The following EDIL3 variants were observed in gnomAD, a reference collection of about 807,000 sequenced individuals.
EDIL3 encodes EGF-like repeat and discoidin I-like domain-containing protein 3.
EDIL3 carries 37 observed loss-of-function variants against 67.4 expected under a neutral mutation model. The ratio of observed to expected loss-of-function variants is 0.55; its 90% confidence interval spans 0.42 to 0.72. The LOEUF is 0.72. Ranked by LOEUF, EDIL3 falls within the 30% of genes least tolerant of loss-of-function variation. EDIL3 has a pLI of 0.00. For missense variants in EDIL3, 527 were observed against 586.3 expected (o/e 0.90, Z 1.04); for synonymous variants, 195 against 196.3 (o/e 0.99, Z 0.05).
At chr5:83,986,972 T>C (rs1453558589) in intron 9 of EDIL3, among the ~76,000 whole-genome samples, 1 of 152,098 alleles carries the variant, frequency 6.6e-6, no homozygotes, top group Non-Finnish European at 1.5e-5. Context: ...TAACGAGCCA[T>C]GATCAGGAAG....
chr5:84,217,721 AACAC>A (rs61264723), intron 3 of EDIL3, among the ~76,000 whole-genome samples: 5,755 of 134,970 alleles, frequency 0.043, 183 homozygotes, highest in African/African-American at 0.094. Context: ...TATACACACA[AACAC>A]ACACACACAC....
chr5:83,975,512 T>C (rs545236838), intron 9 of EDIL3, among the ~76,000 whole-genome samples: 8 of 152,082 alleles, frequency 5.3e-5, no homozygotes, highest in African/African-American at 1.9e-4. Flanking sequence ...CATTTGTAGA[T>C]TTAAATAAAG....
At chr5:84,164,840 T>C (rs1748676684) in intron 4 of EDIL3, among the ~76,000 whole-genome samples, 1 of 152,024 alleles carries the variant, frequency 6.6e-6, no homozygotes, top group Admixed American at 6.6e-5. Flanking sequence ...AAGAAGTAAG[T>C]GTCTTACAAG....
chr5:84,381,736 T>C (rs1205190165), intron 1 of EDIL3, among the ~76,000 whole-genome samples: 1 of 152,236 alleles, frequency 6.6e-6, no homozygotes, highest in African/African-American at 2.4e-5. Flanking sequence ...AGATGTCACG[T>C]GCTTGCTGCA....
intron 1 of EDIL3, among the ~76,000 whole-genome samples, chr5:84,320,172 A>G (rs946321728): frequency 6.6e-6 from 1 of 151,480 alleles, no homozygotes; most frequent in Non-Finnish European, 1.5e-5. Context: ...AATACTGCAC[A>G]CCCCTCCCCC....
chr5:84,280,915 A>T (rs1301347750), intron 1 of EDIL3, among the ~76,000 whole-genome samples: 1 of 136,648 alleles, frequency 7.3e-6, no homozygotes, highest in African/African-American at 2.8e-5. Flanking sequence ...CACCCCCTGC[A>T]CTCCAGCCTG....
chr5:84,145,015 C>G (rs547566493), intron 4 of EDIL3, among the ~76,000 whole-genome samples: 1 of 152,064 alleles, frequency 6.6e-6, no homozygotes, highest in Non-Finnish European at 1.5e-5. Flanking sequence ...CTGAGAAGCA[C>G]TTTCCATGAA....
intron 4 of EDIL3, among the ~76,000 whole-genome samples, chr5:84,166,573 A>G (rs1474591952): frequency 6.6e-6 from 1 of 152,202 alleles, no homozygotes; most frequent in Non-Finnish European, 1.5e-5. Context: ...AAACAAATCA[A>G]GTCCTTGCTC....
intron 6 of EDIL3, among the ~76,000 whole-genome samples, chr5:84,080,677 T>A (rs1234090735): frequency 6.6e-6 from 1 of 152,212 alleles, no homozygotes; most frequent in African/African-American, 2.4e-5. Flanking sequence ...CAAAAAGGCA[T>A]AGTACTAAAG....
At chr5:83,961,632 T>C (rs1449773643) in intron 10 of EDIL3, among the ~76,000 whole-genome samples, 3 of 151,214 alleles carry the variant, frequency 2.0e-5, no homozygotes, top group Non-Finnish European at 3.0e-5. Flanking sequence ...TACTCATCTG[T>C]CTTAAAATTA....
At chr5:84,115,312 G>C (rs1184147345) in intron 5 of EDIL3, among the ~76,000 whole-genome samples, 1 of 152,048 alleles carries the variant, frequency 6.6e-6, no homozygotes, top group East Asian at 1.9e-4. Flanking sequence ...ATGTGGCTAT[G>C]TTTTCTTCAC....
At chr5:84,138,029 T>C (rs934178917) in intron 4 of EDIL3, among the ~76,000 whole-genome samples, 12 of 152,320 alleles carry the variant, frequency 7.9e-5, no homozygotes, top group Admixed American at 6.5e-4. Context: ...TATACTACTT[T>C]CCTTGCTAAT....
At chr5:84,049,283 G>A (rs998120340) in intron 9 of EDIL3, among the ~76,000 whole-genome samples, 13 of 146,760 alleles carry the variant, frequency 8.9e-5, no homozygotes, top group Middle Eastern at 3.3e-3. Flanking sequence ...CCATTTTGGA[G>A]GAATATATAT....
intron 1 of EDIL3, among the ~76,000 whole-genome samples, chr5:84,288,697 A>G (rs1561246421): frequency 6.6e-6 from 1 of 152,162 alleles, no homozygotes; most frequent in African/African-American, 2.4e-5. Context: ...CTAAGAAATT[A>G]TCTTCTCAGA....
chr5:84,011,567 T>C (rs1257005959), intron 9 of EDIL3, among the ~76,000 whole-genome samples: 1 of 152,154 alleles, frequency 6.6e-6, no homozygotes, highest in Non-Finnish European at 1.5e-5. Flanking sequence ...TCTTCCTTGC[T>C]CAAAGTCTCA....
intron 1 of EDIL3, among the ~76,000 whole-genome samples, chr5:84,281,103 C>A (rs1272952186): frequency 6.6e-6 from 1 of 152,052 alleles, no homozygotes; most frequent in Non-Finnish European, 1.5e-5. Flanking sequence ...TTATCAACTA[C>A]AAGTATTCCA....
At chr5:84,109,326 T>G (rs1231473360) in intron 5 of EDIL3, among the ~76,000 whole-genome samples, 7 of 151,800 alleles carry the variant, frequency 4.6e-5, no homozygotes, top group African/African-American at 7.2e-5. Context: ...ACCAACATGG[T>G]GAAACCCTGT....
At chr5:84,074,849 G>A (rs1034371952) in intron 6 of EDIL3, among the ~76,000 whole-genome samples, 2 of 152,132 alleles carry the variant, frequency 1.3e-5, no homozygotes, top group African/African-American at 4.8e-5. Flanking sequence ...CCATTACTGG[G>A]TATATGCCCA....
intron 9 of EDIL3, among the ~76,000 whole-genome samples, chr5:83,998,558 G>T (rs1431673063): frequency 1.3e-5 from 2 of 152,128 alleles, no homozygotes; most frequent in East Asian, 3.9e-4. Flanking sequence ...GGGAAGGAGA[G>T]AGAAGAGTGA....
Sources: gnomAD v4.1 joint callset for allele counts (sites outside exome capture counted in the v4.1 genomes callset) on GRCh38, gnomAD v4.1.1 for gene constraint, MANE v1.5 for transcripts, NCBI Gene and HGNC (gene_info 2026-07-23, HGNC 2026-07-21) for gene names.